Variants in EIF4E3 observed in about 807,000 individuals in gnomAD.
EIF4E3 encodes the protein eukaryotic translation initiation factor 4E family member 3.
A neutral mutation model predicts 31.7 loss-of-function variants in EIF4E3; 26 were observed. That is an observed-to-expected ratio of 0.82 (90% confidence interval 0.60 to 1.14). EIF4E3 has a LOEUF of 1.14. EIF4E3 is among the 50% of genes most tolerant of loss of function. EIF4E3 has a pLI of 0.00. For missense variants in EIF4E3, 304 were observed against 270.9 expected, an observed-to-expected ratio of 1.12 and a Z score of -0.86; for synonymous variants, 128 against 107.7, an observed-to-expected ratio of 1.19 and a Z score of -1.17.
intron 1 of EIF4E3, among the ~76,000 whole-genome samples, chr3:71,737,731 G>A (rs1390256929): frequency 6.6e-6 from 1 of 152,072 alleles, no homozygotes; most frequent in Non-Finnish European, 1.5e-5. Context: ...TTCAAGACCG[G>A]CCTGGGTAGC....
chr3:71,738,268 G>GA (rs1263930096), intron 1 of EIF4E3, among the ~76,000 whole-genome samples: 2 of 152,130 alleles, frequency 1.3e-5, no homozygotes, highest in South Asian at 2.1e-4. Flanking sequence ...AAATGCAACA[G>GA]AAAAAACTGT....
chr3:71,689,006 C>G (rs1014851735), intron 6 of EIF4E3, among the ~76,000 whole-genome samples: 1 of 152,058 alleles, frequency 6.6e-6, no homozygotes. Flanking sequence ...TTTTTTTATC[C>G]TTTTTTGGCA....
intron 1 of EIF4E3, among the ~76,000 whole-genome samples, chr3:71,736,388 C>T (rs2049763834): frequency 6.6e-6 from 1 of 152,164 alleles, no homozygotes; most frequent in South Asian, 2.1e-4. Context: ...AATGCCATAA[C>T]TTGAAAGGAG....
chr3:71,754,249 G>A, upstream of EIF4E3: 1 of 1,284,054 alleles, frequency 7.8e-7, no homozygotes, highest in Non-Finnish European at 1.0e-6. This position sits in a 1 kb window ranked among gnomAD's most constrained non-coding sequence, Gnocchi z 5.8. Context: ...GACGGGCTGC[G>A]CGCGCTCGCC....
rs189082757 is a variant in EIF4E3 at position 71,679,334 on chromosome 3, G to A, written c.*5348C>T. 1.5e-4 allele frequency: 23 copies of A among 152,206 alleles called. No homozygotes were observed. Among genetic ancestry groups the A allele is most frequent in the Middle Eastern group, 6.8e-3 (2 of 292 alleles). The allele number at this position is 152,206 out of a possible 1,614,324, so 9.4% of individuals were successfully genotyped here. A position where few individuals can be genotyped will look rare whatever the true frequency, so the allele number is the denominator to read the frequency against. On this transcript the variant is annotated 3_prime_UTR_variant, in exon 7 of 7. Transcript: ENST00000425534. ...GCAAAGTTGACACTTTAATAGATCC[G>A]AAATAAACATCTGTTCCAAAATAAA...
intron 1 of EIF4E3, among the ~76,000 whole-genome samples, chr3:71,732,444 G>A (rs1242031352): frequency 2.0e-5 from 3 of 151,978 alleles, no homozygotes; most frequent in Non-Finnish European, 2.9e-5. Flanking sequence ...TATAGGTTTT[G>A]TGGCCAGTCT....
intron 1 of EIF4E3, among the ~76,000 whole-genome samples, chr3:71,739,711 T>C (rs2049800964): frequency 6.7e-6 from 1 of 150,166 alleles, no homozygotes. Flanking sequence ...AAAAAAGAAA[T>C]GTCATGGGAA....
chr3:71,712,913 C>G (rs537320850), intron 1 of EIF4E3, among the ~76,000 whole-genome samples: 1 of 150,118 alleles, frequency 6.7e-6, no homozygotes, highest in Admixed American at 6.6e-5. Context: ...TTTTAAATGC[C>G]TCCGTCTCCA....
chr3:71,725,158 G>T lies in EIF4E3; in HGVS notation c.176+34C>A. The T allele has an allele frequency of 9.4e-7, 1 of 1,064,362 alleles. No homozygotes were observed. Among genetic ancestry groups the T allele is most frequent in the South Asian group, 3.6e-5 (1 of 27,562 alleles). 65.9% of individuals were successfully genotyped at this position (1,064,362 alleles called of 1,614,324 possible). On this transcript the variant is annotated intron_variant, in intron 1 of 6. Transcript: ENST00000425534. This position sits in a 1 kb window ranked among gnomAD's most constrained non-coding sequence, Gnocchi z 6.1. ...CGGCGGTGGCGGCAGGACCCGGGTC[G>T]GGGCCGTGCGCGGCGGGCCCCGCGC...
At chr3:71,700,129 C>T (rs1291169395) in intron 2 of EIF4E3, among the ~76,000 whole-genome samples, 2 of 152,116 alleles carry the variant, frequency 1.3e-5, no homozygotes, top group East Asian at 1.9e-4. Context: ...GAGCCAAGAT[C>T]GCACCACTGT....
At chr3:71,720,412 C>T (rs926831420) in intron 1 of EIF4E3, among the ~76,000 whole-genome samples, 2 of 151,942 alleles carry the variant, frequency 1.3e-5, no homozygotes, top group African/African-American at 4.8e-5. Flanking sequence ...CTAGGCTGGT[C>T]TCAAACTCCT....
At chr3:71,737,493 G>A (rs2049775122) in intron 1 of EIF4E3, among the ~76,000 whole-genome samples, 1 of 152,140 alleles carries the variant, frequency 6.6e-6, no homozygotes, top group Non-Finnish European at 1.5e-5. Context: ...GACTGCTTAA[G>A]AGGAATAAAC....
chr3:71,725,103 G>C lies in EIF4E3; in HGVS notation c.176+89C>G, dbSNP rs1176063673. On this transcript the variant is annotated intron_variant, in intron 1 of 6. Transcript: ENST00000425534. This position sits in a 1 kb window ranked among gnomAD's most constrained non-coding sequence, Gnocchi z 6.1. The stretch of plus-strand genomic sequence containing the variant: ...GAGGTCTGTGCCACAGCGGAGCGGG[G>C]CCGGGGCGAGGGGCCGCGCCGAGAC... The C allele has an allele frequency of 2.5e-5, 23 of 936,884 alleles. No homozygotes were observed. The South Asian group carries it at 8.6e-4, about 35-fold the overall frequency. 58.0% of individuals were successfully genotyped at this position (936,884 alleles called of 1,614,324 possible). A position where few individuals can be genotyped will look rare whatever the true frequency, so the allele number is the denominator to read the frequency against.
intron 4 of EIF4E3, 142 bp from the exon 5 acceptor site, chr3:71,694,083 C>T: frequency 1.4e-6 from 1 of 696,050 alleles, no homozygotes; most frequent in South Asian, 2.3e-5. Flanking sequence ...CAGACACCTC[C>T]AAATCCTAGG....
intron 1 of EIF4E3, among the ~76,000 whole-genome samples, chr3:71,752,144 T>C (rs1201768173): frequency 6.6e-6 from 1 of 152,182 alleles, no homozygotes; most frequent in Non-Finnish European, 1.5e-5. Flanking sequence ...AGGGCCTTAC[T>C]ATTCAAAGTA....
the EIF4E3 span, among the ~76,000 whole-genome samples, chr3:71,669,066 TA>T: frequency 3.3e-5 from 5 of 151,872 alleles, no homozygotes; most frequent in African/African-American, 4.8e-5. Flanking sequence ...TATGCAGCCA[TA>T]AAAAAAGCAT....
intron 1 of EIF4E3, among the ~76,000 whole-genome samples, chr3:71,733,711 T>C (rs541879303): frequency 6.6e-6 from 1 of 152,162 alleles, no homozygotes; most frequent in Non-Finnish European, 1.5e-5. Context: ...GAATAATGAA[T>C]CCTTCTGTGA....
At chr3:71,706,701 T>C (rs968259660) in intron 2 of EIF4E3, among the ~76,000 whole-genome samples, 1 of 152,096 alleles carries the variant, frequency 6.6e-6, no homozygotes, top group Non-Finnish European at 1.5e-5. Context: ...ATGGCTATAG[T>C]CCCAGATACT....
chr3:71,715,922 C>T (rs1412589371), intron 1 of EIF4E3, among the ~76,000 whole-genome samples: 1 of 152,194 alleles, frequency 6.6e-6, no homozygotes, highest in Non-Finnish European at 1.5e-5. Context: ...GGGTTCTTCT[C>T]CTGGTCTATC....
Sources: gnomAD v4.1 joint callset for allele counts (sites outside exome capture counted in the v4.1 genomes callset) on GRCh38, gnomAD v4.1.1 for gene constraint, Gnocchi (gnomAD v3.1) non-coding constraint, MANE v1.5 for transcripts, NCBI Gene and HGNC (gene_info 2026-07-23, HGNC 2026-07-21) for gene names.